Variants in PACRG observed in about 807,000 individuals in gnomAD.
PACRG encodes the protein parkin coregulated gene protein.
A neutral mutation model predicts 29.7 loss-of-function variants in PACRG; 29 were observed. That is an observed-to-expected ratio of 0.98 (90% CI 0.73 to 1.33). The LOEUF is 1.33. Among genes scored for constraint, PACRG ranks in the 40% most tolerant of loss-of-function variants. PACRG has a pLI of 0.00. For synonymous variants in PACRG, 116 were observed against 118.7 expected, an observed-to-expected ratio of 0.98 and a Z score of 0.15; for missense variants, 279 against 316.2, an observed-to-expected ratio of 0.88 and a Z score of 0.89.
chr6:163,059,581 C>T (rs912995226), intron 2 of PACRG, among the ~76,000 whole-genome samples: 1 of 152,144 alleles, frequency 6.6e-6, no homozygotes, highest in Admixed American at 6.5e-5. Flanking sequence ...TAATGCTGAA[C>T]CTCAGTGTGC....
At chr6:163,312,472 C>T (rs1264088980) in intron 4 of PACRG, among the ~76,000 whole-genome samples, 1 of 152,218 alleles carries the variant, frequency 6.6e-6, no homozygotes, top group East Asian at 1.9e-4. Flanking sequence ...GCTTCCTCCT[C>T]CTCTCTCAAT....
chr6:163,066,372 G>A (rs909301346), intron 3 of PACRG, among the ~76,000 whole-genome samples: 37 of 152,250 alleles, frequency 2.4e-4, no homozygotes, highest in African/African-American at 8.9e-4. Context: ...CCTTCATCCA[G>A]AAGGTGAATG....
At chr6:162,762,086 G>A (rs1782418948) in intron 1 of PACRG, among the ~76,000 whole-genome samples, 1 of 151,438 alleles carries the variant, frequency 6.6e-6, no homozygotes, top group African/African-American at 2.4e-5. Context: ...CATGTTCATT[G>A]TATCACCATC....
chr6:162,965,101 C>T (rs138357419), intron 2 of PACRG, among the ~76,000 whole-genome samples: 2 of 152,290 alleles, frequency 1.3e-5, no homozygotes, highest in African/African-American at 4.8e-5. Flanking sequence ...TGCGAGTAGA[C>T]ACATGGACGA....
chr6:162,764,013 C>T (rs754978778), intron 1 of PACRG, among the ~76,000 whole-genome samples: 13 of 152,134 alleles, frequency 8.5e-5, no homozygotes, highest in South Asian at 2.1e-4. Context: ...TGGTGGCTCA[C>T]GCCTGTAATT....
rs1786031771 is a variant in PACRG at position 162,803,239 on chromosome 6, C to T, written c.157-10908C>T. 2.6e-5 allele frequency among the ~76,000 whole-genome samples: 4 copies of T among 152,212 alleles called. No individual in the cohort carries two copies. The South Asian group carries it at 8.3e-4, about 32-fold the overall frequency. ...GAAGGAGAAAAGAAAAGAGTGAGGG[C>T]ACGAGGGAGAATTACAGGCTGATGG... On this transcript the variant is annotated intron_variant, in intron 1 of 4. Transcript: ENST00000366888.
chr6:162,885,332 C>T (rs530511900), intron 2 of PACRG, among the ~76,000 whole-genome samples: 3 of 151,120 alleles, frequency 2.0e-5, no homozygotes, highest in Admixed American at 1.3e-4. Flanking sequence ...TGCAGTGGCA[C>T]GACCTTAGCT....
At chr6:162,753,481 A>T (rs77135562) in intron 1 of PACRG, among the ~76,000 whole-genome samples, 2,218 of 152,186 alleles carry the variant, frequency 0.015, 61 homozygotes, top group African/African-American at 0.051. Flanking sequence ...TTATATCGCA[A>T]TTTTTTATCC....
At chr6:162,881,433 G>T (rs1366099756) in intron 2 of PACRG, among the ~76,000 whole-genome samples, 1 of 152,220 alleles carries the variant, frequency 6.6e-6, no homozygotes, top group African/African-American at 2.4e-5. Flanking sequence ...AGGGCAGAGA[G>T]ATGAGTGTCA....
chr6:163,256,880 T>A (rs1176890015), intron 4 of PACRG, among the ~76,000 whole-genome samples: 1 of 152,164 alleles, frequency 6.6e-6, no homozygotes, highest in Non-Finnish European at 1.5e-5. Context: ...AATCAAGGTG[T>A]TGGCCATGTC....
intron 1 of PACRG, among the ~76,000 whole-genome samples, chr6:162,798,287 G>T (rs976554888): frequency 6.6e-6 from 1 of 152,126 alleles, no homozygotes; most frequent in African/African-American, 2.4e-5. Context: ...TCCACAAATG[G>T]ATGTGAAGGG....
chr6:163,205,278 A>G (rs1780857351), intron 4 of PACRG, among the ~76,000 whole-genome samples: 1 of 152,220 alleles, frequency 6.6e-6, no homozygotes, highest in Non-Finnish European at 1.5e-5. Context: ...AGCAAAAAGA[A>G]CAAAGCTGGA....
At chr6:162,980,753 G>T (rs1288857342) in intron 2 of PACRG, among the ~76,000 whole-genome samples, 1 of 152,056 alleles carries the variant, frequency 6.6e-6, no homozygotes, top group Non-Finnish European at 1.5e-5. Flanking sequence ...TATAAATATT[G>T]GCAATGTATG....
At chr6:162,793,201 G>T (rs1253461318) in intron 1 of PACRG, among the ~76,000 whole-genome samples, 1 of 152,122 alleles carries the variant, frequency 6.6e-6, no homozygotes, top group Non-Finnish European at 1.5e-5. Context: ...TTGTTGTGTT[G>T]TTGTTCTTTT....
intron 4 of PACRG, among the ~76,000 whole-genome samples, chr6:163,279,139 G>A (rs977905105): frequency 1.3e-5 from 2 of 152,116 alleles, no homozygotes; most frequent in African/African-American, 4.8e-5. Context: ...TCTCAGCTTG[G>A]TCGCTGTTGG....
At chr6:163,228,328 T>C (rs1182712366) in intron 4 of PACRG, among the ~76,000 whole-genome samples, 1 of 134,294 alleles carries the variant, frequency 7.4e-6, no homozygotes, top group Non-Finnish European at 1.5e-5. Flanking sequence ...CTGAAAATGA[T>C]TGAAATGGAC....
At chr6:162,852,025 AAGG>A (rs201111573) in intron 2 of PACRG, among the ~76,000 whole-genome samples, 1 of 135,774 alleles carries the variant, frequency 7.4e-6, no homozygotes, top group East Asian at 3.1e-4. Flanking sequence ...GGAAGGAAGG[AAGG>A]AAGGAAGGAA....
At chr6:163,116,167 C>T (rs73786976) in intron 4 of PACRG, among the ~76,000 whole-genome samples, 3,657 of 152,282 alleles carry the variant, frequency 0.024, 160 homozygotes, top group African/African-American at 0.083. Flanking sequence ...GGAAGCATAG[C>T]GGCTTCTGCT....
intron 2 of PACRG, among the ~76,000 whole-genome samples, chr6:163,008,040 T>C (rs1357452366): frequency 6.6e-6 from 1 of 152,218 alleles, no homozygotes; most frequent in Non-Finnish European, 1.5e-5. Context: ...ATTGTTGTTG[T>C]ACTGGATTTA....
Sources: allele counts gnomAD v4.1 joint callset (sites outside exome capture counted in the v4.1 genomes callset), GRCh38; gene constraint gnomAD v4.1.1; transcripts MANE v1.5; gene names NCBI Gene and HGNC (gene_info 2026-07-23, HGNC 2026-07-21).